Variants in CACNG4 observed in about 807,000 individuals in gnomAD.
CACNG4 encodes voltage-dependent calcium channel gamma-4 subunit.
CACNG4 carries 8 observed loss-of-function variants against 22.9 expected under a neutral mutation model. The ratio of observed to expected loss-of-function variants is 0.35; its 90% CI spans 0.21 to 0.63. The LOEUF (loss-of-function observed/expected upper bound fraction) is 0.63. Among genes scored for constraint, CACNG4 ranks in the 30% least tolerant of loss-of-function variants. The pLI, the probability that CACNG4 is intolerant of heterozygous loss-of-function variation, is 0.72. For synonymous variants in CACNG4, 188 were observed against 191.9 expected (o/e 0.98, Z 0.17); for missense variants, 357 against 455.4 (o/e 0.78, Z 1.97).
rs562840851 is a variant in CACNG4 at position 67,025,101 on chromosome 17, G to A, written c.445+101G>A. The A allele has an allele frequency of 1.4e-3, 1,661 of 1,146,854 alleles. 6 individuals are homozygous for A. Among genetic ancestry groups the A allele is most frequent in the Middle Eastern group, 7.0e-3 (30 of 4,312 alleles). The allele number at this position is 1,146,854 out of a possible 1,614,324, so 71.0% of individuals were successfully genotyped here. A position where few individuals can be genotyped will look rare whatever the true frequency, so the allele number is the denominator to read the frequency against. ...GCCAGGCAGTGTGCATCCTAGAGGG[G>A]AATGCAGACATAACATCGCCACATG... On this transcript the variant is annotated intron_variant, in intron 3 of 3. Coordinates refer to ENST00000262138, the MANE Select transcript of CACNG4 (RefSeq NM_014405.4).
chr17:66,971,369 C>A (rs1474448151), intron 1 of CACNG4, among the ~76,000 whole-genome samples: 1 of 151,728 alleles, frequency 6.6e-6, no homozygotes, highest in East Asian at 1.9e-4. Context: ...GAGACACACA[C>A]ACGGGCTACA....
At chr17:67,017,329 A>G (rs12603674) in intron 1 of CACNG4, among the ~76,000 whole-genome samples, 64,348 of 151,958 alleles carry the variant, frequency 0.42, 17,151 homozygotes, top group African/African-American at 0.75. Flanking sequence ...CGCCCTCCTC[A>G]GCCTCCCAAA....
chr17:67,024,552 G>A (rs1475028880), intron 2 of CACNG4, among the ~76,000 whole-genome samples: 4 of 152,208 alleles, frequency 2.6e-5, no homozygotes, highest in South Asian at 2.1e-4. Context: ...AATGTGATGC[G>A]GTTTGTTGCT....
In CACNG4 at chr17:67,023,903, T is replaced by A. The variant is rs2035547598; in HGVS notation, c.305-957T>A. Among the ~76,000 whole-genome samples, 3 of 152,198 alleles carry A rather than the reference T, an allele frequency of 2.0e-5. 1 individual carries two copies. The South Asian group carries it at 6.2e-4, about 31-fold the overall frequency. On this transcript the variant is annotated intron_variant, in intron 2 of 3. Transcript: ENST00000262138. ...AGGCCCTTTTTCCAAATAAGATCAA[T>A]TACAGGTCCTAAGGGTTAGGACACA...
chr17:66,967,908 CTG>C (rs1249624916), intron 1 of CACNG4, among the ~76,000 whole-genome samples: 5 of 152,206 alleles, frequency 3.3e-5, no homozygotes, highest in African/African-American at 1.2e-4. Flanking sequence ...GTGCAAAAGA[CTG>C]TTGCTCCCAG....
intron 2 of CACNG4, chr17:67,020,354 A>C (rs1416947599): frequency 1.3e-5 from 2 of 152,278 alleles, no homozygotes; most frequent in Non-Finnish European, 2.9e-5. Flanking sequence ...CTGCAGAGTG[A>C]TTTTCCCAGA....
At position 66,972,359 on chromosome 17, in the gene CACNG4, G is replaced by A. The variant is rs375747399; in HGVS notation, c.220+7228G>A. Among the ~76,000 whole-genome samples, 254 of 152,244 alleles carry A rather than the reference G, an allele frequency of 1.7e-3. 7 individuals carry two copies. The South Asian group carries it at 0.048, about 28-fold the overall frequency. On this transcript the variant is annotated intron_variant, in intron 1 of 3. Transcript: ENST00000262138. ...CTGTAGCACTGCTGACACTGGGGCC[G>A]GATCCTCTGTCACAGGAGCTGTCCT... is the stretch of plus-strand genomic sequence containing the variant.
chr17:66,967,882 A>G (rs1210212523), intron 1 of CACNG4, among the ~76,000 whole-genome samples: 1 of 152,050 alleles, frequency 6.6e-6, no homozygotes, highest in Non-Finnish European at 1.5e-5. Context: ...GTATCCATGC[A>G]TTCTGGCAGG....
intron 1 of CACNG4, among the ~76,000 whole-genome samples, chr17:67,009,342 C>T (rs2035455059): frequency 6.6e-6 from 1 of 151,376 alleles, no homozygotes; most frequent in Non-Finnish European, 1.5e-5. Flanking sequence ...TTGGCCAAGT[C>T]ACTTCCATCC....
chr17:67,008,270 T>G (rs1415698297), intron 1 of CACNG4, among the ~76,000 whole-genome samples: 1 of 152,192 alleles, frequency 6.6e-6, no homozygotes, highest in Non-Finnish European at 1.5e-5. Context: ...GCCTGGAGTT[T>G]CGCTCAGGAA....
chr17:67,018,814 A>G (rs2035515607), intron 2 of CACNG4, among the ~76,000 whole-genome samples: 1 of 152,020 alleles, frequency 6.6e-6, no homozygotes, highest in South Asian at 2.1e-4. Context: ...GCAGCCTCTG[A>G]TATATGGTCC....
intron 1 of CACNG4, among the ~76,000 whole-genome samples, chr17:66,997,944 T>A (rs1024548802): frequency 2.1e-4 from 32 of 151,630 alleles, no homozygotes; most frequent in Admixed American, 2.0e-3. Flanking sequence ...GAGGAGGAGA[T>A]CCTGAGAGAG....
At chr17:67,025,822 A>G (rs1457052337) in intron 3 of CACNG4, among the ~76,000 whole-genome samples, 1 of 152,208 alleles carries the variant, frequency 6.6e-6, no homozygotes, top group African/African-American at 2.4e-5. Flanking sequence ...TTCCGTTCAC[A>G]TCCTGGGACC....
rs967103971 is a variant in CACNG4, at chr17:66,989,302, G to A, written c.220+24171G>A. The stretch of plus-strand genomic sequence containing the variant: ...TCATACTCCATTAGAATAGGCCTTC[G>A]TTTAATAGACTGGGTTCTTATAAAA... On this transcript the variant is annotated intron_variant, in intron 1 of 3. Coordinates refer to ENST00000262138, the MANE Select transcript of CACNG4 (RefSeq NM_014405.4). Among the ~76,000 whole-genome samples, 7 of 151,010 alleles carry A rather than the reference G, an allele frequency of 4.6e-5. 1 individual carries two copies. The highest frequency in any genetic ancestry group is 6.6e-5 in the Admixed American group (1 of 15,118).
chr17:67,013,877 C>T (rs1275765729), intron 1 of CACNG4, among the ~76,000 whole-genome samples: 1 of 152,094 alleles, frequency 6.6e-6, no homozygotes, highest in African/African-American at 2.4e-5. Context: ...TACACGTGTG[C>T]AGACGAGCCT....
chr17:66,983,349 T>C (rs966871796), intron 1 of CACNG4, among the ~76,000 whole-genome samples: 5 of 152,042 alleles, frequency 3.3e-5, no homozygotes, highest in African/African-American at 1.2e-4. Flanking sequence ...AAAGGCGAGG[T>C]TGTGGGGTGG....
chr17:67,008,918 C>T (rs534492193), intron 1 of CACNG4, among the ~76,000 whole-genome samples: 1 of 152,200 alleles, frequency 6.6e-6, no homozygotes, highest in Non-Finnish European at 1.5e-5. Flanking sequence ...CACTTCACTC[C>T]AGCCTGGGTG....
chr17:66,990,611 C>T (rs138033508), intron 1 of CACNG4, among the ~76,000 whole-genome samples: 391 of 152,010 alleles, frequency 2.6e-3, no homozygotes, highest in African/African-American at 8.8e-3. Flanking sequence ...GTTGATCTTA[C>T]GAAATTTTCT....
chr17:67,003,823 C>A (rs796828608), intron 1 of CACNG4, among the ~76,000 whole-genome samples: 6 of 152,284 alleles, frequency 3.9e-5, no homozygotes, highest in African/African-American at 1.4e-4. Flanking sequence ...GACCAACAGT[C>A]AAAGCTTGGC....
Sources: gnomAD v4.1 joint callset for allele counts (sites outside exome capture counted in the v4.1 genomes callset) on GRCh38, gnomAD v4.1.1 for gene constraint, MANE v1.5 for transcripts, NCBI Gene and HGNC (gene_info 2026-07-23, HGNC 2026-07-21) for gene names.